ACTR3C: variants seen among roughly 807,000 people sequenced by gnomAD.
The protein encoded by ACTR3C is actin-related protein 3C.
ACTR3C carries 18 observed loss-of-function variants against 26.3 expected under a neutral mutation model. That is an observed-to-expected ratio of 0.68 (90% confidence interval 0.47 to 1.01). ACTR3C has a LOEUF of 1.01. Ranked by LOEUF, ACTR3C falls within the 50% of genes least tolerant of loss-of-function variation. The pLI is 0.00. For missense variants in ACTR3C, 184 were observed against 250.7 expected (o/e 0.73, Z 1.80); for synonymous variants, 55 against 94.5 (o/e 0.58, Z 2.42).
the ACTR3C span, among the ~76,000 whole-genome samples, chr7:150,181,148 T>C: frequency 6.6e-6 from 1 of 151,034 alleles, no homozygotes; most frequent in Admixed American, 6.5e-5. Context: ...GCTCAGTACA[T>C]GGCCAATTAT....
chr7:150,077,412 C>T, the ACTR3C span, among the ~76,000 whole-genome samples: 2 of 152,036 alleles, frequency 1.3e-5, no homozygotes, highest in Non-Finnish European at 2.9e-5. Flanking sequence ...CTCCATGTGA[C>T]CTCTGTGGTT....
At chr7:150,141,134 A>T in the ACTR3C span, among the ~76,000 whole-genome samples, 3 of 152,256 alleles carry the variant, frequency 2.0e-5, no homozygotes, top group African/African-American at 7.2e-5. Flanking sequence ...TTGGCTCATG[A>T]GGTTTAAGGA....
the ACTR3C span, among the ~76,000 whole-genome samples, chr7:150,068,299 T>C: frequency 6.6e-6 from 1 of 152,134 alleles, no homozygotes; most frequent in East Asian, 1.9e-4. Context: ...CTAATTTCCA[T>C]CCCATTCCTT....
chr7:149,977,715 A>G, the ACTR3C span, among the ~76,000 whole-genome samples: 3,018 of 152,250 alleles, frequency 0.02, 39 homozygotes, highest in Non-Finnish European at 0.034. Flanking sequence ...CCCACATCAC[A>G]AGTTGATTAT....
the ACTR3C span, among the ~76,000 whole-genome samples, chr7:149,912,720 C>T: frequency 2.0e-5 from 3 of 152,146 alleles, no homozygotes; most frequent in Non-Finnish European, 4.4e-5. Context: ...CCAGGCTGGT[C>T]TCGAACTCCT....
chr7:150,267,248 T>C (rs189310863), intron 6 of ACTR3C, among the ~76,000 whole-genome samples: 46 of 152,366 alleles, frequency 3.0e-4, no homozygotes, highest in Non-Finnish European at 5.4e-4. Flanking sequence ...CCCCCCATTA[T>C]CTGCGGCTCA....
At chr7:150,234,148 T>C in the ACTR3C span, among the ~76,000 whole-genome samples, 2 of 152,184 alleles carry the variant, frequency 1.3e-5, no homozygotes, top group African/African-American at 4.8e-5. Context: ...CACAGTTACA[T>C]TGGAGCCCTG....
chr7:150,124,763 G>A, the ACTR3C span, among the ~76,000 whole-genome samples: 1 of 152,014 alleles, frequency 6.6e-6, no homozygotes, highest in East Asian at 1.9e-4. Flanking sequence ...ACACACTGCA[G>A]GTAATAATAA....
the ACTR3C span, among the ~76,000 whole-genome samples, chr7:150,003,452 T>C: frequency 2.6e-5 from 4 of 152,272 alleles, no homozygotes; most frequent in Non-Finnish European, 5.9e-5. Context: ...TACTGTGGGG[T>C]GTGTAGTATG....
the ACTR3C span, among the ~76,000 whole-genome samples, chr7:150,164,159 G>T: frequency 6.6e-6 from 1 of 152,126 alleles, no homozygotes; most frequent in Non-Finnish European, 1.5e-5. Flanking sequence ...CTGTTGTTGG[G>T]CCAGGTCTAC....
chr7:150,042,101 G>T, the ACTR3C span, among the ~76,000 whole-genome samples: 1 of 92,538 alleles, frequency 1.1e-5, no homozygotes, highest in Non-Finnish European at 2.3e-5. Flanking sequence ...CCTCGCGGGG[G>T]GTGCCTCCCC....
the ACTR3C span, among the ~76,000 whole-genome samples, chr7:150,023,223 A>G: frequency 6.9e-6 from 1 of 145,382 alleles, no homozygotes; most frequent in East Asian, 2.0e-4. Flanking sequence ...ATCTCTATAT[A>G]GATCTCTATA....
At chr7:150,023,113 A>C in the ACTR3C span, among the ~76,000 whole-genome samples, 4 of 150,050 alleles carry the variant, frequency 2.7e-5, no homozygotes, top group African/African-American at 9.8e-5. Flanking sequence ...TTCTCTCTCT[A>C]TATATCTACA....
chr7:149,895,639 A>G, the ACTR3C span, among the ~76,000 whole-genome samples: 2 of 152,018 alleles, frequency 1.3e-5, no homozygotes, highest in Admixed American at 6.6e-5. Flanking sequence ...GTTTCAGAAC[A>G]GCCTGGGAAA....
the ACTR3C span, among the ~76,000 whole-genome samples, chr7:149,949,171 G>T: frequency 3.5e-5 from 5 of 141,760 alleles, no homozygotes; most frequent in African/African-American, 6.1e-5. Context: ...TATATATATA[G>T]GTATGTGTTT....
chr7:149,945,324 T>TGCAGGGTCTTGGGG, the ACTR3C span, among the ~76,000 whole-genome samples: 27 of 140,822 alleles, frequency 1.9e-4, no homozygotes, highest in Admixed American at 2.9e-4. Flanking sequence ...AGTGACAACC[T>TGCAGGGTCTTGGGG]CCCAGCAAGG....
chr7:150,242,549 A>G (rs1431430034), downstream of ACTR3C, among the ~76,000 whole-genome samples: 3 of 152,196 alleles, frequency 2.0e-5, no homozygotes, highest in South Asian at 2.1e-4. Flanking sequence ...AATAAAATGA[A>G]TTAGAAATGA....
At chr7:150,158,120 C>T in the ACTR3C span, among the ~76,000 whole-genome samples, 1 of 152,090 alleles carries the variant, frequency 6.6e-6, no homozygotes, top group East Asian at 1.9e-4. Context: ...ATCAGGGAAA[C>T]GCAAATCAAA....
At chr7:150,087,298 A>G in the ACTR3C span, among the ~76,000 whole-genome samples, 1 of 152,162 alleles carries the variant, frequency 6.6e-6, no homozygotes, top group East Asian at 1.9e-4. Context: ...AAATTTAAAC[A>G]TGGCAACAAA....
Sources: gnomAD v4.1 joint callset for allele counts (sites outside exome capture counted in the v4.1 genomes callset) on GRCh38, gnomAD v4.1.1 for gene constraint, MANE v1.5 for transcripts, NCBI Gene and HGNC (gene_info 2026-07-23, HGNC 2026-07-21) for gene names.